CSMD1: variants seen among roughly 807,000 people sequenced by gnomAD.
CSMD1 encodes CUB and Sushi multiple domains 1.
CSMD1 carries 213 observed loss-of-function variants against 417.5 expected under a neutral mutation model. The ratio of observed to expected loss-of-function variants is 0.51; its 90% CI spans 0.46 to 0.57. The LOEUF is 0.57. Ranked by LOEUF, CSMD1 falls within the 20% of genes least tolerant of loss-of-function variation. CSMD1 has a pLI of 0.00. For synonymous variants in CSMD1, 2,862 were observed against 1,736.8 expected (o/e 1.65, Z -16.11); for missense variants, 6,923 against 4,529.7 (o/e 1.53, Z -15.17).
At chr8:3,970,686 G>T (rs1013568922) in intron 5 of CSMD1, among the ~76,000 whole-genome samples, 1 of 152,142 alleles carries the variant, frequency 6.6e-6, no homozygotes, top group Non-Finnish European at 1.5e-5. Flanking sequence ...CTAATAAAAT[G>T]TATATTTATA....
intron 3 of CSMD1, among the ~76,000 whole-genome samples, chr8:4,111,315 G>C (rs941490642): frequency 6.6e-6 from 1 of 152,128 alleles, no homozygotes. Flanking sequence ...GATGGCTGAA[G>C]AAAGAATCTG....
intron 10 of CSMD1, 141 bp downstream of exon 10, chr8:3,574,804 G>A (rs1301733145): frequency 4.4e-5 from 41 of 925,232 alleles, no homozygotes; most frequent in Non-Finnish European, 6.4e-5. Context: ...GTGGCATCTA[G>A]ACACAGGATG....
chr8:4,074,159 T>C (rs1799702461), intron 3 of CSMD1, among the ~76,000 whole-genome samples: 1 of 152,096 alleles, frequency 6.6e-6, no homozygotes, highest in Non-Finnish European at 1.5e-5. Context: ...ATACATATAA[T>C]GCATAACTTG....
chr8:4,961,430 G>A (rs1288673957), intron 1 of CSMD1, among the ~76,000 whole-genome samples: 2 of 152,038 alleles, frequency 1.3e-5, no homozygotes, highest in Non-Finnish European at 2.9e-5. Flanking sequence ...TTTACTCCTT[G>A]AAATGTCCTC....
chr8:4,736,220 T>C (rs907549807), intron 1 of CSMD1, among the ~76,000 whole-genome samples: 11 of 152,300 alleles, frequency 7.2e-5, no homozygotes, highest in Non-Finnish European at 2.9e-5. Context: ...GGAAAAATGC[T>C]GTAAAAAATT....
chr8:4,158,484 C>T (rs1271618892), intron 3 of CSMD1, among the ~76,000 whole-genome samples: 1 of 151,986 alleles, frequency 6.6e-6, no homozygotes, highest in Admixed American at 6.6e-5. Context: ...GTGCAGTCAT[C>T]AGTATGGCAA....
intron 5 of CSMD1, among the ~76,000 whole-genome samples, chr8:3,789,530 G>A (rs1000259429): frequency 6.8e-6 from 1 of 148,116 alleles, no homozygotes; most frequent in Admixed American, 6.8e-5. Flanking sequence ...TTTTATGCTA[G>A]TACTTTAATA....
In CSMD1 at chr8:3,708,492, C is replaced by A; in HGVS notation, c.932-1G>T. On this transcript the variant is annotated splice_acceptor_variant, in intron 6 of 69. Transcript: ENST00000635120. LOFTEE classifies it high-confidence loss of function. ...GACTTCAACTCAATCGCCTTTTTCA[C>A]TGGAAGAAACAAAACCAAGCCATTA... is the stretch of plus-strand genomic sequence containing the variant. The A allele has an allele frequency of 6.2e-7, 1 of 1,613,800 alleles. No homozygotes were observed. The highest frequency in any genetic ancestry group is 8.5e-7 in the Non-Finnish European group (1 of 1,179,780).
chr8:4,190,415 G>C (rs1377773793), intron 3 of CSMD1, among the ~76,000 whole-genome samples: 1 of 152,020 alleles, frequency 6.6e-6, no homozygotes, highest in Non-Finnish European at 1.5e-5. Flanking sequence ...GACATTTAAT[G>C]ATTAACGCTC....
chr8:4,851,286 T>C (rs1417127410), intron 1 of CSMD1, among the ~76,000 whole-genome samples: 3 of 152,114 alleles, frequency 2.0e-5, no homozygotes, highest in African/African-American at 7.2e-5. Context: ...CTCATCATTT[T>C]TTATGACTGC....
At chr8:3,855,213 G>C (rs906018176) in intron 5 of CSMD1, among the ~76,000 whole-genome samples, 2 of 152,080 alleles carry the variant, frequency 1.3e-5, no homozygotes, top group Non-Finnish European at 2.9e-5. Context: ...AATGGACAAG[G>C]CTGCGACAGC....
chr8:3,374,445 G>C (rs1223538331), intron 18 of CSMD1, among the ~76,000 whole-genome samples: 1 of 152,156 alleles, frequency 6.6e-6, no homozygotes, highest in African/African-American at 2.4e-5. Flanking sequence ...ACATTCTAAT[G>C]GGGAAGGCAA....
chr8:3,925,295 G>A (rs973488560), intron 5 of CSMD1, among the ~76,000 whole-genome samples: 5 of 152,164 alleles, frequency 3.3e-5, no homozygotes, highest in Non-Finnish European at 5.9e-5. Context: ...AACCCAAGAG[G>A]TGAAGCATCA....
chr8:4,154,317 A>G (rs1207141450), intron 3 of CSMD1, among the ~76,000 whole-genome samples: 1 of 152,224 alleles, frequency 6.6e-6, no homozygotes, highest in East Asian at 1.9e-4. Flanking sequence ...TTCCTATTTA[A>G]GTTGAAAGGA....
At chr8:3,229,972 G>C (rs868655446) in intron 27 of CSMD1, 68 bp downstream of exon 27, 4 of 1,069,386 alleles carry the variant, frequency 3.7e-6, no homozygotes, top group East Asian at 2.6e-5. Flanking sequence ...ATACATTTAC[G>C]GAGCGCTTTT....
intron 23 of CSMD1, among the ~76,000 whole-genome samples, chr8:3,333,529 A>T (rs1807041561): frequency 2.0e-5 from 3 of 152,248 alleles, no homozygotes; most frequent in African/African-American, 7.2e-5. Context: ...AATGATATAT[A>T]GATACTGCAA....
intron 3 of CSMD1, among the ~76,000 whole-genome samples, chr8:4,245,436 G>T (rs978213779): frequency 2.0e-5 from 3 of 152,138 alleles, no homozygotes; most frequent in Non-Finnish European, 2.9e-5. Flanking sequence ...GGCAGGTTAG[G>T]TGGTGCTCAA....
intron 1 of CSMD1, among the ~76,000 whole-genome samples, chr8:4,710,524 G>A (rs977800572): frequency 6.7e-5 from 10 of 149,414 alleles, no homozygotes. Flanking sequence ...AGTGTGCCAG[G>A]AGAAGATGGT....
At chr8:4,145,394 C>T (rs945344021) in intron 3 of CSMD1, among the ~76,000 whole-genome samples, 1 of 151,050 alleles carries the variant, frequency 6.6e-6, no homozygotes, top group Non-Finnish European at 1.5e-5. Flanking sequence ...CTATAGTCTT[C>T]TTTGGGCAAT....
Sources: allele counts gnomAD v4.1 joint callset (sites outside exome capture counted in the v4.1 genomes callset), GRCh38; gene constraint gnomAD v4.1.1; transcripts MANE v1.5; gene names NCBI Gene and HGNC (gene_info 2026-07-23, HGNC 2026-07-21).